Variants in SGSM3 observed in about 807,000 individuals in gnomAD.
The protein encoded by SGSM3 is small G protein signaling modulator 3, also known as RUN and SH3 containing 3.
Under a neutral mutation model 100.5 loss-of-function variants are expected in SGSM3, and 96 were observed. The ratio of observed to expected loss-of-function variants is 0.96; its 90% CI spans 0.81 to 1.13. The LOEUF (loss-of-function observed/expected upper bound fraction) is 1.13, where lower values mean the gene tolerates loss of function less well. Among genes scored for constraint, SGSM3 ranks in the 50% most tolerant of loss-of-function variants. The probability of loss-of-function intolerance (pLI) is 0.00; values close to 1 mark genes in which losing one functional copy is unlikely to be tolerated. For missense variants in SGSM3, 1,001 were observed against 1,015.8 expected (o/e 0.99, Z 0.20); for synonymous variants, 483 against 422.8 (o/e 1.14, Z -1.75).
At chr22:40,401,447 T>C in intron 2 of SGSM3, 146 bp from the exon 3 acceptor site, 1 of 568,370 alleles carries the variant, frequency 1.8e-6, no homozygotes, top group Non-Finnish European at 3.3e-6. Flanking sequence ...GGTTTCTCCA[T>C]GTTGGCCAGG....
At chr22:40,374,611 G>A (rs1223448604) in intron 1 of SGSM3, among the ~76,000 whole-genome samples, 2 of 152,226 alleles carry the variant, frequency 1.3e-5, no homozygotes, top group South Asian at 2.1e-4. Context: ...GGCCCAGTAC[G>A]GCGGCTCACG....
chr22:40,407,182 G>A lies in SGSM3; in HGVS notation c.1241-19G>A. ...GCCTGGAGTGGGCTGTGGTCACCAT[G>A]GTTCTCTGGGCCTCCTAGGGGAGGA... On this transcript the variant is annotated intron_variant, in intron 11 of 21. Coordinates refer to ENST00000248929, the MANE Select transcript of SGSM3 (RefSeq NM_015705.6). This position sits in a 1 kb window ranked among gnomAD's most constrained non-coding sequence, Gnocchi z 4.7. 6.2e-7 allele frequency: 1 copy of A among 1,612,976 alleles called. No individual in the cohort carries two copies. The highest frequency in any genetic ancestry group is 1.1e-5 in the South Asian group (1 of 91,058).
At position 40,407,799 on chromosome 22, in the gene SGSM3, A is replaced by T. The variant is rs1045830458; in HGVS notation, c.1535A>T (p.Gln512Leu). 6.2e-7 allele frequency: 1 copy of T among 1,613,812 alleles called. No individual in the cohort carries two copies. The highest frequency in any genetic ancestry group is 8.5e-7 in the Non-Finnish European group (1 of 1,179,994). ...TTTCCTCCTGTGCAGATCGTGTCTCAGAAGGACGAGCACTGCTGGGTGGGG... is the reference window on the plus strand; with the variant it reads ...TTTCCTCCTGTGCAGATCGTGTCTCTGAAGGACGAGCACTGCTGGGTGGGG... Reference protein sequence around the residue: ...RKNDIITIVSQKDEHCWVGEL... With the variant: ...RKNDIITIVSLKDEHCWVGEL... The change falls in exon 14 of 22, where the codon CAG (glutamine) becomes CTG (leucine). Residue 512 changes from glutamine to leucine, a missense_variant. Physicochemically the swap from Gln to Leu is moderately radical, Grantham distance 113. Coordinates refer to ENST00000248929, the MANE Select transcript of SGSM3 (RefSeq NM_015705.6). The surrounding 1 kb of genome is among the most constrained non-coding windows in gnomAD (Gnocchi z 4.7).
At position 40,408,430 on chromosome 22, in the gene SGSM3, G is replaced by GT; in HGVS notation, c.1782+2dup. Reference sequence around the variant, plus strand: ...CCACCCCTGGCTGTTTATCGAGGAGGTAAGTCAGTGGCTGGGCCCATGACC... The same window carrying GT: ...CCACCCCTGGCTGTTTATCGAGGAGGTTAAGTCAGTGGCTGGGCCCATGACC... On this transcript the variant is annotated splice_donor_variant, in intron 16 of 21. Transcript: ENST00000248929. LOFTEE classifies it high-confidence loss of function. 6.2e-7 allele frequency: 1 copy of GT among 1,613,424 alleles called. No individual in the cohort carries two copies.
intron 10 of SGSM3, 120 bp from the exon 11 acceptor site, chr22:40,406,897 G>T: frequency 2.7e-6 from 3 of 1,104,944 alleles, no homozygotes; most frequent in Non-Finnish European, 4.0e-6. Flanking sequence ...CTGATTATCT[G>T]TTTTCAATTC....
At chr22:40,378,927 C>T (rs1447123931) in intron 1 of SGSM3, among the ~76,000 whole-genome samples, 1 of 152,132 alleles carries the variant, frequency 6.6e-6, no homozygotes, top group African/African-American at 2.4e-5. Context: ...CGCTTCACCA[C>T]CTATGTGCTG....
intron 1 of SGSM3, among the ~76,000 whole-genome samples, chr22:40,374,702 C>T (rs1008248930): frequency 2.0e-5 from 3 of 152,152 alleles, no homozygotes; most frequent in African/African-American, 7.2e-5. Context: ...GGCAACATGG[C>T]GAAATGCCAT....
At position 40,406,593 on chromosome 22, in the gene SGSM3, G is replaced by A. The variant is rs1160255838; in HGVS notation, c.1116G>A (p.Lys372=). The change falls in exon 10 of 22, where the codon AAG becomes AAA. Residue 372 remains lysine, a synonymous_variant. Transcript: ENST00000248929. ...TDVAVETQRR[K]HLAYLIADQG... ...TGGCCGTGGAGACTCAGCGCCGCAA[G>A]CACCTGGCCTATCTCATTGCAGACC... 1 of 1,612,510 alleles carries A rather than the reference G, an allele frequency of 6.2e-7. No homozygotes were observed. The highest frequency in any genetic ancestry group is 1.3e-5 in the African/African-American group (1 of 74,926).
chr22:40,409,556 C>G, intron 21 of SGSM3, 31 bp downstream of exon 21: 1 of 1,612,238 alleles, frequency 6.2e-7, no homozygotes. Context: ...AGGGCCTGCA[C>G]TGATGGAGCT....
chr22:40,410,053 C>CTAGTTAGT lies in SGSM3; in HGVS notation c.*298_*299insTAGTTAGT. ...GGAAGAGGGAAGGGGATGGGGGTGG[C>CTAGTTAGT]TAGTAGGCTCCTGGCCTCTTTGGTT... On this transcript the variant is annotated 3_prime_UTR_variant, in exon 22 of 22. Transcript: ENST00000248929. 1 of 1,296,578 alleles carries CTAGTTAGT rather than the reference C, an allele frequency of 7.7e-7. No homozygotes were observed. The highest frequency in any genetic ancestry group is 9.8e-7 in the Non-Finnish European group (1 of 1,024,116). The allele number at this position is 1,296,578 out of a possible 1,614,324, so 80.3% of individuals were successfully genotyped here. A position where few individuals can be genotyped will look rare whatever the true frequency, so the allele number is the denominator to read the frequency against.
intron 1 of SGSM3, among the ~76,000 whole-genome samples, chr22:40,395,281 C>T (rs778941229): frequency 6.6e-5 from 10 of 152,028 alleles, no homozygotes; most frequent in Non-Finnish European, 7.4e-5. Flanking sequence ...TACTTAACAG[C>T]TCCACTTGGA....
intron 1 of SGSM3, among the ~76,000 whole-genome samples, chr22:40,390,870 G>A (rs567430264): frequency 2.6e-4 from 39 of 152,298 alleles, no homozygotes; most frequent in African/African-American, 7.9e-4. Context: ...GGAAAAGAGC[G>A]TGTTGTACAT....
Position 40,409,466 on chromosome 22 carries a change from G to A in SGSM3, c.2113G>A (p.Val705Ile), listed in dbSNP as rs200933583. The change falls in exon 21 of 22, where the codon GTC becomes ATC. Residue 705 changes from valine (V) to isoleucine (I), a missense_variant and splice_region_variant. Coordinates refer to ENST00000248929, the MANE Select transcript of SGSM3 (RefSeq NM_015705.6). The part of the protein sequence containing the change: ...GWVQIKCELR[V>I]LCCFAFSLSQ... ...TTACCACCCCTTCCTCACCTCTAGA[G>A]TCCTCTGCTGCTTTGCCTTCAGCCT... is the stretch of plus-strand genomic sequence containing the variant. The A allele has an allele frequency of 7.0e-6, 11 of 1,580,182 alleles. No homozygotes were observed. The East Asian group carries it at 2.5e-4, about 36-fold the overall frequency.
chr22:40,409,552 T>G, intron 21 of SGSM3, 27 bp downstream of exon 21: 1 of 1,611,746 alleles, frequency 6.2e-7, no homozygotes, highest in Non-Finnish European at 8.5e-7. Context: ...TCGTAGGGCC[T>G]GCACTGATGG....
At position 40,409,319 on chromosome 22, in the gene SGSM3, G is replaced by A. The variant is rs1444491265; in HGVS notation, c.2058G>A (p.Gln686=). 6.2e-7 allele frequency: 1 copy of A among 1,613,264 alleles called. No homozygotes were observed. The highest frequency in any genetic ancestry group is 2.2e-5 in the East Asian group (1 of 44,872). Residue 686 remains glutamine (Q), a synonymous_variant, in exon 20 of 22, where the codon CAG becomes CAA. Transcript: ENST00000248929. ...SSLPTVEKWY[Q]PWSFLRSPGW... ...TGCCCACCGTGGAGAAGTGGTACCAGCCCTGGTCCTTCCTGCGCAGCCCGG... is the reference window on the plus strand; with the variant it reads ...TGCCCACCGTGGAGAAGTGGTACCAACCCTGGTCCTTCCTGCGCAGCCCGG...
intron 1 of SGSM3, among the ~76,000 whole-genome samples, chr22:40,380,007 G>A (rs1030045749): frequency 2.0e-5 from 3 of 152,044 alleles, no homozygotes; most frequent in Non-Finnish European, 4.4e-5. Flanking sequence ...CATCGTGCTC[G>A]GCCTGGTTTC....
chr22:40,409,679 C>T lies in SGSM3; in HGVS notation c.2173-3C>T. On this transcript the variant is annotated splice_region_variant and splice_polypyrimidine_tract_variant and intron_variant, in intron 21 of 21. Coordinates refer to ENST00000248929, the MANE Select transcript of SGSM3 (RefSeq NM_015705.6). ...GTGAGGTGAGGGGCTGCCCTGTTTG[C>T]AGGCGCAGCAGCCCCTGAAGGAGGG... The T allele has an allele frequency of 1.9e-6, 3 of 1,613,166 alleles. No homozygotes were observed. The highest frequency in any genetic ancestry group is 2.5e-6 in the Non-Finnish European group (3 of 1,179,630).
rs188579679 is a variant in SGSM3 at position 40,405,851 on chromosome 22, C to T, written c.814+7C>T. On this transcript the variant is annotated splice_region_variant and intron_variant, in intron 8 of 21. Coordinates refer to ENST00000248929, the MANE Select transcript of SGSM3 (RefSeq NM_015705.6). ...CTCCAGGAGCATGACATTGGTAAGG[C>T]GCCCCTGAGCCACTGGCTCCCATTC... The T allele has an allele frequency of 1.5e-3, 2,389 of 1,602,284 alleles. 22 individuals are homozygous for T. The East Asian group carries it at 0.026, about 17-fold the overall frequency.
At chr22:40,387,011 T>C (rs1273152523) in intron 1 of SGSM3, among the ~76,000 whole-genome samples, 1 of 152,154 alleles carries the variant, frequency 6.6e-6, no homozygotes, top group Non-Finnish European at 1.5e-5. Context: ...GTCAAGATAT[T>C]TTGTTCCCGC....
Sources: allele counts gnomAD v4.1 joint callset (sites outside exome capture counted in the v4.1 genomes callset), GRCh38; gene constraint gnomAD v4.1.1; non-coding constraint Gnocchi (gnomAD v3.1); transcripts MANE v1.5; gene names NCBI Gene and HGNC (gene_info 2026-07-23, HGNC 2026-07-21).